Variants in SLX9 observed in about 807,000 individuals in gnomAD.
SLX9 encodes SLX9 ribosome biogenesis factor, also known as ribosome biogenesis protein SLX9 homolog.
Under a neutral mutation model 20.8 loss-of-function variants are expected in SLX9, and 19 were observed. The observed-to-expected ratio is 0.91, with a 90% confidence interval of 0.64 to 1.34. SLX9 has a LOEUF of 1.34. Among genes scored for constraint, SLX9 ranks in the 40% most tolerant of loss-of-function variants. The pLI, the probability that SLX9 is intolerant of heterozygous loss-of-function variation, is 0.00. For synonymous variants in SLX9, 113 were observed against 137.1 expected, an observed-to-expected ratio of 0.82 and a Z score of 1.23; for missense variants, 299 against 322.2, an observed-to-expected ratio of 0.93 and a Z score of 0.55.
At chr21:44,961,336 T>G (rs769205342) in intron 3 of SLX9, among the ~76,000 whole-genome samples, 9 of 152,218 alleles carry the variant, frequency 5.9e-5, no homozygotes, top group Non-Finnish European at 1.2e-4. Context: ...CCCAGCACTT[T>G]GGAAGGTTGA....
chr21:44,954,296 C>T (rs1374138981), intron 2 of SLX9, among the ~76,000 whole-genome samples: 2 of 150,732 alleles, frequency 1.3e-5, no homozygotes, highest in Non-Finnish European at 2.9e-5. Context: ...CTGAGGGGAG[C>T]AGAGGGGCCG....
intron 5 of SLX9, among the ~76,000 whole-genome samples, chr21:44,976,223 G>T (rs2085259114): frequency 6.6e-6 from 1 of 152,240 alleles, no homozygotes. Flanking sequence ...CGTCGCCGTG[G>T]CACCCATCTG....
rs538973385 is a variant in SLX9, at chr21:44,964,278, G to A, written c.353-2756G>A. 2.2e-4 allele frequency among the ~76,000 whole-genome samples: 33 copies of A among 152,240 alleles called. No individual in the cohort carries two copies. The South Asian group carries it at 6.6e-3, about 31-fold the overall frequency. The stretch of plus-strand genomic sequence containing the variant: ...ATGCATTAGGTCTGGTAGTCATTTT[G>A]TAGATTCCTTAGGATCTTTAGAAAT... On this transcript the variant is annotated intron_variant, in intron 3 of 5. Coordinates refer to ENST00000291634, the MANE Select transcript of SLX9 (RefSeq NM_058190.4).
At chr21:44,957,127 T>C (rs2084872843) in intron 2 of SLX9, among the ~76,000 whole-genome samples, 1 of 152,248 alleles carries the variant, frequency 6.6e-6, no homozygotes, top group Admixed American at 6.5e-5. Flanking sequence ...ATTCAGCTCA[T>C]GCTGCAGGTT....
chr21:44,949,179 G>A (rs7278296), intron 2 of SLX9, among the ~76,000 whole-genome samples: 25 of 152,260 alleles, frequency 1.6e-4, no homozygotes, highest in Middle Eastern at 6.8e-3. Context: ...CCAGGGTCCC[G>A]AGCCCCGACT....
intron 2 of SLX9, among the ~76,000 whole-genome samples, chr21:44,945,245 C>G (rs1420032524): frequency 6.6e-6 from 1 of 152,194 alleles, no homozygotes; most frequent in African/African-American, 2.4e-5. Flanking sequence ...CCAAGGAGGA[C>G]CTGGTGAGGT....
chr21:44,939,741 G>A, upstream of SLX9: 1 of 528,404 alleles, frequency 1.9e-6, no homozygotes, highest in South Asian at 1.5e-5. Flanking sequence ...CTCGACTGCC[G>A]CGGGGGTCGC....
At chr21:44,966,362 C>G (rs2085034402) in intron 3 of SLX9, among the ~76,000 whole-genome samples, 1 of 152,194 alleles carries the variant, frequency 6.6e-6, no homozygotes, top group Non-Finnish European at 1.5e-5. Flanking sequence ...GTGGGTTGCC[C>G]TGAAGAGAGC....
At chr21:44,963,310 G>A (rs1453151461) in intron 3 of SLX9, among the ~76,000 whole-genome samples, 1 of 151,316 alleles carries the variant, frequency 6.6e-6, no homozygotes, top group East Asian at 1.9e-4. Context: ...GGATGGTCTC[G>A]ATCTCTTGAC....
chr21:44,960,544 T>C (rs1183470331), intron 3 of SLX9, among the ~76,000 whole-genome samples: 1 of 152,262 alleles, frequency 6.6e-6, no homozygotes, highest in Admixed American at 6.5e-5. Context: ...AAATTTTTTA[T>C]TGTGGAAGTA....
At chr21:44,954,442 G>C (rs2084816864) in intron 2 of SLX9, among the ~76,000 whole-genome samples, 1 of 152,224 alleles carries the variant, frequency 6.6e-6, no homozygotes. Context: ...GTTGGCTGGA[G>C]GGTGGGGGCT....
chr21:44,941,968 G>A (rs142261005), intron 1 of SLX9, among the ~76,000 whole-genome samples: 1 of 152,220 alleles, frequency 6.6e-6, no homozygotes. Context: ...CAAGAGCTCC[G>A]TGTCAGGACA....
intron 2 of SLX9, among the ~76,000 whole-genome samples, chr21:44,956,299 T>C (rs1338791512): frequency 6.6e-6 from 1 of 152,218 alleles, no homozygotes; most frequent in South Asian, 2.1e-4. Flanking sequence ...GGCCCCTTTG[T>C]GTCCTCTGCA....
intron 1 of SLX9, among the ~76,000 whole-genome samples, chr21:44,940,519 T>C (rs1266160494): frequency 6.6e-6 from 1 of 152,198 alleles, no homozygotes; most frequent in African/African-American, 2.4e-5. Flanking sequence ...TTCCCAGAGT[T>C]AGAGAAGAAC....
chr21:44,965,923 C>T (rs2085025674), intron 3 of SLX9, among the ~76,000 whole-genome samples: 2 of 152,124 alleles, frequency 1.3e-5, no homozygotes, highest in Admixed American at 1.3e-4. Context: ...TACCACAGTC[C>T]AGGCAGGGTG....
intron 2 of SLX9, among the ~76,000 whole-genome samples, chr21:44,952,489 T>C (rs2084776493): frequency 6.6e-6 from 1 of 152,256 alleles, no homozygotes; most frequent in Admixed American, 6.5e-5. Context: ...CACCAGAAGG[T>C]TGGCCCCAGG....
At chr21:44,953,440 C>G (rs1344831139) in intron 2 of SLX9, among the ~76,000 whole-genome samples, 1 of 152,142 alleles carries the variant, frequency 6.6e-6, no homozygotes, top group African/African-American at 2.4e-5. Flanking sequence ...CCTCGGGCAC[C>G]ATCCCCGGCG....
At chr21:44,968,753 C>CT (rs35304604) in intron 4 of SLX9, among the ~76,000 whole-genome samples, 28,569 of 132,790 alleles carry the variant, frequency 0.22, 4,519 homozygotes, top group African/African-American at 0.37. Flanking sequence ...CATCTCTGTG[C>CT]TTTTTTTTTT....
intron 5 of SLX9, among the ~76,000 whole-genome samples, chr21:44,974,749 G>A (rs960374302): frequency 6.6e-6 from 1 of 152,130 alleles, no homozygotes; most frequent in African/African-American, 2.4e-5. Flanking sequence ...CTGCTTCTCT[G>A]TTTATGAACT....
Sources: allele counts gnomAD v4.1 joint callset (sites outside exome capture counted in the v4.1 genomes callset), GRCh38; gene constraint gnomAD v4.1.1; transcripts MANE v1.5; gene names NCBI Gene and HGNC (gene_info 2026-07-23, HGNC 2026-07-21).